The following ODAD1 variants were observed in gnomAD, a reference collection of about 807,000 sequenced individuals.
ODAD1 encodes the protein outer dynein arm docking complex subunit 1.
ODAD1 carries 49 observed loss-of-function variants against 67.2 expected under a neutral mutation model. The observed-to-expected ratio is 0.73, with a 90% CI of 0.58 to 0.92. The LOEUF is 0.92. Among genes scored for constraint, ODAD1 ranks in the 40% least tolerant of loss-of-function variants. The pLI is 0.00. For synonymous variants in ODAD1, 345 were observed against 393.7 expected (o/e 0.88, Z 1.46); for missense variants, 897 against 953.7 (o/e 0.94, Z 0.78).
intron 5 of ODAD1, among the ~76,000 whole-genome samples, chr19:48,317,582 CCA>C (rs1968931875): frequency 6.6e-6 from 1 of 152,148 alleles, no homozygotes; most frequent in African/African-American, 2.4e-5. Context: ...CTTAACCACA[CCA>C]GTCCTGTTTT....
At chr19:48,302,599 A>T (rs749832581) in intron 12 of ODAD1, 95 bp downstream of exon 12, 28 of 991,432 alleles carry the variant, frequency 2.8e-5, no homozygotes, top group Non-Finnish European at 3.9e-5. Context: ...CAAGTGAACC[A>T]GGTTGTCCAT....
At chr19:48,311,021 G>A (rs1011302769) in intron 7 of ODAD1, among the ~76,000 whole-genome samples, 76 of 152,226 alleles carry the variant, frequency 5.0e-4, no homozygotes, top group African/African-American at 1.8e-3. Flanking sequence ...GACCATCCTG[G>A]CTAACACAGT....
At chr19:48,310,762 T>G (rs1232949466) in intron 7 of ODAD1, among the ~76,000 whole-genome samples, 1 of 152,238 alleles carries the variant, frequency 6.6e-6, no homozygotes, top group Admixed American at 6.5e-5. Flanking sequence ...CACCTTTTTC[T>G]GTAATTTGAA....
At chr19:48,300,844 C>T (rs1036484689) in intron 12 of ODAD1, among the ~76,000 whole-genome samples, 2 of 152,088 alleles carry the variant, frequency 1.3e-5, no homozygotes, top group Admixed American at 6.6e-5. Context: ...AAATGGCTGA[C>T]GGCCAGGCAC....
intron 1 of ODAD1, 149 bp downstream of exon 1, chr19:48,321,529 G>A (rs756672470): frequency 1.6e-5 from 5 of 309,050 alleles, no homozygotes; most frequent in Admixed American, 5.1e-5. Context: ...CGTAAGGGGC[G>A]GGCTTCGAGG....
At chr19:48,318,324 G>T in intron 5 of ODAD1, 63 bp downstream of exon 5, 1 of 1,402,486 alleles carries the variant, frequency 7.1e-7, no homozygotes, top group Non-Finnish European at 9.8e-7. Context: ...GGAAGCTAAG[G>T]CTCAGGGAGG....
chr19:48,304,196 G>A, intron 8 of ODAD1, 56 bp from the exon 9 acceptor site: 1 of 1,525,992 alleles, frequency 6.6e-7, no homozygotes, highest in Non-Finnish European at 8.8e-7. Flanking sequence ...GTCGGCCTGG[G>A]GTCCTGGGGA....
At chr19:48,313,438 AAAAAAAAACC>A (rs375555756) in intron 5 of ODAD1, among the ~76,000 whole-genome samples, 19,812 of 135,304 alleles carry the variant, frequency 0.15, 2,058 homozygotes, top group Non-Finnish European at 0.18. Context: ...AAAAAAAAAA[AAAAAAAAACC>A]AAAAAAAAAC....
At chr19:48,306,970 G>A (rs1199026132) in intron 7 of ODAD1, among the ~76,000 whole-genome samples, 1 of 151,374 alleles carries the variant, frequency 6.6e-6, no homozygotes, top group Non-Finnish European at 1.5e-5. Context: ...ATCACCTGAG[G>A]TCGGGAGTTT....
In ODAD1 at chr19:48,303,708, T is replaced by C. The variant is rs1366741075; in HGVS notation, c.930A>G (p.Lys310=). 6.2e-7 allele frequency: 1 copy of C among 1,614,030 alleles called. No homozygotes were observed. The highest frequency in any genetic ancestry group is 1.7e-5 in the Admixed American group (1 of 60,000). ...CACTCTCCCCCATCAGCTGGGACAG[T>C]TTATTCAGGGCGTCCTCGTAGCAAA... ...LVLCYEDALN[K]LSQLMGESDP... is the part of the protein sequence containing the mutation. The change falls in exon 10 of 16, where the codon AAA becomes AAG. Residue 310 remains lysine (K), a synonymous_variant. Transcript: ENST00000674294.
At chr19:48,315,122 G>A (rs925312655) in intron 5 of ODAD1, among the ~76,000 whole-genome samples, 3 of 151,260 alleles carry the variant, frequency 2.0e-5, no homozygotes, top group African/African-American at 7.3e-5. Context: ...TGTCACCCAG[G>A]CCGAGTGCAG....
intron 3 of ODAD1, 63 bp from the exon 4 acceptor site, chr19:48,318,875 G>A: frequency 9.6e-7 from 1 of 1,042,858 alleles, no homozygotes; most frequent in East Asian, 2.6e-5. Context: ...TCCCAACCCA[G>A]GACCTAGGAA....
At chr19:48,315,841 T>C (rs542443218) in intron 5 of ODAD1, among the ~76,000 whole-genome samples, 1 of 152,322 alleles carries the variant, frequency 6.6e-6, no homozygotes, top group African/African-American at 2.4e-5. Flanking sequence ...TGTGTATCAA[T>C]AGCCGGTTCC....
chr19:48,303,624 C>T, intron 10 of ODAD1, 26 bp downstream of exon 10: 1 of 1,613,638 alleles, frequency 6.2e-7, no homozygotes, highest in Non-Finnish European at 8.5e-7. Flanking sequence ...CCCGGGCCTC[C>T]TCCCTCCACC....
At chr19:48,303,170 A>G (rs1347685247) in intron 10 of ODAD1, 75 bp from the exon 11 acceptor site, 2 of 1,159,412 alleles carry the variant, frequency 1.7e-6, no homozygotes, top group Non-Finnish European at 2.6e-6. Flanking sequence ...AGAGACAGAG[A>G]GGCATACAGA....
At chr19:48,307,252 G>A (rs1968632831) in intron 7 of ODAD1, among the ~76,000 whole-genome samples, 1 of 151,754 alleles carries the variant, frequency 6.6e-6, no homozygotes, top group African/African-American at 2.4e-5. Flanking sequence ...GAAAAAGCTG[G>A]TGATATTGGA....
chr19:48,299,236 C>T (rs1162193038), intron 12 of ODAD1, among the ~76,000 whole-genome samples: 2 of 151,884 alleles, frequency 1.3e-5, no homozygotes, highest in Non-Finnish European at 2.9e-5. Context: ...TGGTGAAACC[C>T]TGTCTCTACT....
rs1298529328 is a variant in ODAD1, at chr19:48,316,162, T to G, written c.360+2225A>C. Among the ~76,000 whole-genome samples, 3 of 152,022 alleles carry G rather than the reference T, an allele frequency of 2.0e-5. No individual in the cohort carries two copies. In the East Asian group the frequency reaches 5.8e-4, roughly 29 times the overall value. On this transcript the variant is annotated intron_variant, in intron 5 of 15. Transcript: ENST00000674294. ...GGAAGGCCGAGGCAGGTGGATCACT[T>G]GAGGTCAGGAGTTCAAGACCAGCCT... is the stretch of plus-strand genomic sequence containing the variant.
chr19:48,311,958 C>T (rs766780951), intron 6 of ODAD1, 36 bp downstream of exon 6: 1 of 1,545,456 alleles, frequency 6.5e-7, no homozygotes. Flanking sequence ...CATAACCGCA[C>T]AATTCAGGTC....
Sources: gnomAD v4.1 joint callset for allele counts (sites outside exome capture counted in the v4.1 genomes callset) on GRCh38, gnomAD v4.1.1 for gene constraint, MANE v1.5 for transcripts, NCBI Gene and HGNC (gene_info 2026-07-23, HGNC 2026-07-21) for gene names.